UBE3C: variants seen among roughly 807,000 people sequenced by gnomAD.
The protein encoded by UBE3C is ubiquitin-protein ligase E3C.
A neutral mutation model predicts 129.4 loss-of-function variants in UBE3C; 42 were observed. The observed-to-expected ratio is 0.32, with a 90% CI of 0.25 to 0.42. The LOEUF is 0.42. Among genes scored for constraint, UBE3C ranks in the 10% least tolerant of loss-of-function variants. The pLI, the probability that UBE3C is intolerant of heterozygous loss-of-function variation, is 1.00. For synonymous variants in UBE3C, 510 were observed against 492.4 expected, an observed-to-expected ratio of 1.04 and a Z score of -0.47; for missense variants, 1,049 against 1,319.1, an observed-to-expected ratio of 0.80 and a Z score of 3.17.
chr7:157,218,302 A>C (rs1795637569), intron 14 of UBE3C, among the ~76,000 whole-genome samples: 1 of 151,908 alleles, frequency 6.6e-6, no homozygotes, highest in African/African-American at 2.4e-5. Flanking sequence ...AAAATTAGCC[A>C]GGCACGGTGG....
At position 157,192,932 on chromosome 7, in the gene UBE3C, T is replaced by A. The variant is rs1042955142; in HGVS notation, c.1331+5911T>A. On this transcript the variant is annotated intron_variant, in intron 10 of 22. Transcript: ENST00000348165. ...TAGTGAATGCCACTTTCCCCCATTT[T>A]AATTTAAACTGTAGCATGAGGGAAA... 5 of 651,672 alleles carry A rather than the reference T, an allele frequency of 7.7e-6. No homozygotes were observed. The Admixed American group carries it at 1.2e-4, about 16-fold the overall frequency. 40.4% of individuals were successfully genotyped at this position (651,672 alleles called of 1,614,324 possible). A position where few individuals can be genotyped will look rare whatever the true frequency, so the allele number is the denominator to read the frequency against.
intron 13 of UBE3C, among the ~76,000 whole-genome samples, chr7:157,214,448 C>T (rs1228822305): frequency 2.0e-5 from 3 of 152,084 alleles, no homozygotes; most frequent in Non-Finnish European, 4.4e-5. Context: ...GCTAAGTTTC[C>T]TTGGGGATGA....
At chr7:157,202,245 T>A (rs1160131980) in intron 11 of UBE3C, among the ~76,000 whole-genome samples, 5 of 152,242 alleles carry the variant, frequency 3.3e-5, no homozygotes, top group African/African-American at 4.8e-5. Context: ...TTAAAAAATA[T>A]CATCTTTGAC....
intron 18 of UBE3C, among the ~76,000 whole-genome samples, chr7:157,242,524 T>TTTG (rs1255936386): frequency 6.8e-6 from 1 of 147,480 alleles, no homozygotes; most frequent in East Asian, 2.0e-4. Context: ...GTTTTTTTTT[T>TTTG]TTTTTTTTTT....
At chr7:157,259,428 A>G (rs1796839941) in intron 22 of UBE3C, among the ~76,000 whole-genome samples, 1 of 152,212 alleles carries the variant, frequency 6.6e-6, no homozygotes, top group South Asian at 2.1e-4. Flanking sequence ...AGATGGCAAC[A>G]TATTTTCACA....
chr7:157,184,624 G>C (rs1447378618), intron 9 of UBE3C, among the ~76,000 whole-genome samples: 4 of 152,166 alleles, frequency 2.6e-5, no homozygotes, highest in Admixed American at 6.5e-5. Flanking sequence ...ATCATAAGTT[G>C]TTATTTTTTC....
rs74605387 is a variant in UBE3C, at chr7:157,253,311, A to G, written c.2695-643A>G. ...GTGTTTCCGCTGTGTTGCTTTTCTC[A>G]TGAGCACTCTTGTGGTGTTTATGGG... On this transcript the variant is annotated intron_variant, in intron 19 of 22. Coordinates refer to ENST00000348165, the MANE Select transcript of UBE3C (RefSeq NM_014671.3). Among the ~76,000 whole-genome samples, 512 of 152,312 alleles carry G rather than the reference A, an allele frequency of 3.4e-3. 2 individuals carry two copies. Among genetic ancestry groups the G allele is most frequent in the African/African-American group, 0.011 (476 of 41,566 alleles).
rs1808295296 is a variant in UBE3C at position 157,169,033 on chromosome 7, C to T, written c.121-15C>T. On this transcript the variant is annotated splice_polypyrimidine_tract_variant and intron_variant, in intron 2 of 22. Coordinates refer to ENST00000348165, the MANE Select transcript of UBE3C (RefSeq NM_014671.3). Reference sequence around the variant, plus strand: ...TCTGACCAATTGCTCCCTCACTCCTCCTTTTATTGTTTAGGAAGAAAGGCG... The same window carrying T: ...TCTGACCAATTGCTCCCTCACTCCTTCTTTTATTGTTTAGGAAGAAAGGCG... The T allele has an allele frequency of 6.2e-7, 1 of 1,610,808 alleles. No individual in the cohort carries two copies. Among genetic ancestry groups the T allele is most frequent in the Non-Finnish European group, 8.5e-7 (1 of 1,177,300 alleles).
At chr7:157,185,144 G>C (rs1808772727) in intron 9 of UBE3C, among the ~76,000 whole-genome samples, 1 of 152,256 alleles carries the variant, frequency 6.6e-6, no homozygotes, top group African/African-American at 2.4e-5. Flanking sequence ...TTTATATGCA[G>C]TGTATTTTGT....
intron 22 of UBE3C, chr7:157,263,049 C>G (rs1796960981): frequency 6.6e-6 from 1 of 152,376 alleles, no homozygotes; most frequent in Non-Finnish European, 1.5e-5. Flanking sequence ...GGCCCTTCCT[C>G]CTCTTCTGTC....
At chr7:157,257,299 G>A (rs566932948) in intron 22 of UBE3C, among the ~76,000 whole-genome samples, 3 of 152,240 alleles carry the variant, frequency 2.0e-5, no homozygotes, top group Admixed American at 6.5e-5. Flanking sequence ...TGAACAAACC[G>A]TACATTTGGA....
At chr7:157,199,627 C>T (rs908524442) in intron 10 of UBE3C, among the ~76,000 whole-genome samples, 6 of 151,828 alleles carry the variant, frequency 4.0e-5, no homozygotes, top group East Asian at 1.9e-4. Context: ...CCTGCCACCA[C>T]GCCCAGCTAA....
chr7:157,181,458 A>G (rs1808663401), intron 6 of UBE3C, 60 bp from the exon 7 acceptor site: 2 of 1,478,104 alleles, frequency 1.4e-6, no homozygotes, highest in African/African-American at 1.4e-5. Flanking sequence ...AAAATTGGCA[A>G]GTTTTTTCCC....
At chr7:157,146,995 T>C (rs1807623839) in intron 1 of UBE3C, among the ~76,000 whole-genome samples, 2 of 152,136 alleles carry the variant, frequency 1.3e-5, no homozygotes, top group Admixed American at 1.3e-4. Context: ...TCGACTTCCT[T>C]CTTCTTTAGT....
chr7:157,265,142 G>A (rs1482135434), intron 22 of UBE3C, among the ~76,000 whole-genome samples: 2 of 152,216 alleles, frequency 1.3e-5, no homozygotes, highest in African/African-American at 4.8e-5. Context: ...CCCAGGAGTT[G>A]TGAATGTGGG....
At chr7:157,227,268 A>G (rs1352158875) in intron 17 of UBE3C, among the ~76,000 whole-genome samples, 1 of 151,960 alleles carries the variant, frequency 6.6e-6, no homozygotes, top group Non-Finnish European at 1.5e-5. Context: ...GTAGGGGAGG[A>G]GCTGAGTTTG....
intron 10 of UBE3C, 52 bp from the exon 11 acceptor site, chr7:157,201,669 T>TTTAATAATTAA: frequency 1.2e-6 from 1 of 868,408 alleles, no homozygotes; most frequent in Non-Finnish European, 1.7e-6. Context: ...AAGAAATGTT[T>TTTAATAATTAA]TGAATAAGTA....
At chr7:157,155,556 A>T (rs1346005073) in intron 1 of UBE3C, among the ~76,000 whole-genome samples, 1 of 152,192 alleles carries the variant, frequency 6.6e-6, no homozygotes, top group Non-Finnish European at 1.5e-5. Flanking sequence ...CTAGTTTTTT[A>T]ACATAAAAAT....
chr7:157,192,831 A>T, intron 10 of UBE3C: 1 of 1,166,636 alleles, frequency 8.6e-7, no homozygotes, highest in Non-Finnish European at 1.3e-6. Flanking sequence ...GAAGACAAGT[A>T]ACTGCGTATG....
Sources: gnomAD v4.1 joint callset for allele counts (sites outside exome capture counted in the v4.1 genomes callset) on GRCh38, gnomAD v4.1.1 for gene constraint, MANE v1.5 for transcripts, NCBI Gene and HGNC (gene_info 2026-07-23, HGNC 2026-07-21) for gene names.